The following MAP3K2 variants were observed in gnomAD, a reference collection of about 807,000 sequenced individuals.
MAP3K2 encodes mitogen-activated protein kinase kinase kinase 2.
A neutral mutation model predicts 80.3 loss-of-function variants in MAP3K2; 24 were observed. That is an observed-to-expected ratio of 0.30 (90% confidence interval 0.22 to 0.42). MAP3K2 has a LOEUF of 0.42. Among genes scored for constraint, MAP3K2 ranks in the 10% least tolerant of loss-of-function variants. The pLI is 1.00. For synonymous variants in MAP3K2, 244 were observed against 253.7 expected, an observed-to-expected ratio of 0.96 and a Z score of 0.36; for missense variants, 608 against 750.1, an observed-to-expected ratio of 0.81 and a Z score of 2.21.
intron 1 of MAP3K2, among the ~76,000 whole-genome samples, chr2:127,379,102 A>G (rs1687200599): frequency 6.7e-6 from 1 of 149,942 alleles, no homozygotes; most frequent in South Asian, 2.1e-4. Context: ...GATTACAGGC[A>G]TGAGCCATGG....
At chr2:127,349,666 T>C (rs990051642) in intron 1 of MAP3K2, among the ~76,000 whole-genome samples, 16 of 152,154 alleles carry the variant, frequency 1.1e-4, no homozygotes, top group African/African-American at 3.9e-4. Context: ...AAGCTAAGAC[T>C]TGAATACCTG....
At chr2:127,341,529 T>TG (rs1491181385) in intron 2 of MAP3K2, among the ~76,000 whole-genome samples, 8 of 111,102 alleles carry the variant, frequency 7.2e-5, no homozygotes, top group Non-Finnish European at 7.2e-5. Flanking sequence ...TTTTTTTTGT[T>TG]GTTTTTTTTT....
chr2:127,355,871 C>G (rs1011265980), intron 1 of MAP3K2, among the ~76,000 whole-genome samples: 13 of 152,138 alleles, frequency 8.5e-5, no homozygotes, highest in African/African-American at 3.1e-4. Context: ...TTGCTTATTG[C>G]TGCTTTACCA....
intron 5 of MAP3K2, among the ~76,000 whole-genome samples, chr2:127,335,221 T>G (rs1686342154): frequency 6.6e-6 from 1 of 152,204 alleles, no homozygotes; most frequent in South Asian, 2.1e-4. Flanking sequence ...AAATACTTTC[T>G]GAATATAAAA....
intron 1 of MAP3K2, among the ~76,000 whole-genome samples, chr2:127,361,384 A>G (rs2104873403): frequency 6.6e-6 from 1 of 152,224 alleles, no homozygotes; most frequent in East Asian, 1.9e-4. Flanking sequence ...GTAATAATAT[A>G]AAAGCAACAA....
At chr2:127,340,352 A>C (rs1279861710) in intron 2 of MAP3K2, among the ~76,000 whole-genome samples, 1 of 152,200 alleles carries the variant, frequency 6.6e-6, no homozygotes. Flanking sequence ...ATTTGATGTG[A>C]CCTTCTTTAA....
chr2:127,373,759 C>T (rs577054337), intron 1 of MAP3K2, among the ~76,000 whole-genome samples: 19 of 152,336 alleles, frequency 1.2e-4, no homozygotes, highest in Admixed American at 2.0e-4. Flanking sequence ...AAAACACTCT[C>T]TCTCTATGTC....
chr2:127,336,870 G>A (rs1404917451), intron 4 of MAP3K2, among the ~76,000 whole-genome samples: 1 of 152,178 alleles, frequency 6.6e-6, no homozygotes, highest in African/African-American at 2.4e-5. Flanking sequence ...GGCTGGGAGC[G>A]TGGGTCACGC....
chr2:127,337,743 T>C lies in MAP3K2; in HGVS notation c.159A>G (p.Glu53=). The change falls in exon 4 of 17, where the codon GAA becomes GAG. Residue 53 remains glutamate, a synonymous_variant. Transcript: ENST00000682094. ...DVRVKFEHRG[E]KRILQFPRPV... is the part of the protein sequence containing the mutation. ...TGTAATGTTTCCTTCCTTACCTTTT[T>C]TCTCCTCTATGTTCAAATTTGACTC... 1 of 1,518,884 alleles carries C rather than the reference T, an allele frequency of 6.6e-7. No individual in the cohort carries two copies. The highest frequency in any genetic ancestry group is 8.9e-7 in the Non-Finnish European group (1 of 1,118,628). 94.1% of individuals were successfully genotyped at this position (1,518,884 alleles called of 1,614,324 possible).
chr2:127,332,368 C>T (rs1273321118), intron 5 of MAP3K2, among the ~76,000 whole-genome samples: 1 of 152,184 alleles, frequency 6.6e-6, no homozygotes, highest in African/African-American at 2.4e-5. Flanking sequence ...CAAGATACTG[C>T]TACTTTTGGG....
intron 12 of MAP3K2, among the ~76,000 whole-genome samples, chr2:127,319,111 G>A (rs557422927): frequency 9.2e-5 from 14 of 152,036 alleles, no homozygotes; most frequent in East Asian, 5.8e-4. Context: ...TGTGGGAAAC[G>A]CAGAAAGTCC....
chr2:127,335,855 AC>A lies in MAP3K2; in HGVS notation c.264+14del, dbSNP rs775763731. The A allele has an allele frequency of 1.1e-5, 15 of 1,417,892 alleles. No individual in the cohort carries two copies. The Admixed American group carries it at 3.0e-4, about 29-fold the overall frequency. The allele number at this position is 1,417,892 out of a possible 1,614,324, so 87.8% of individuals were successfully genotyped here. Reference sequence around the variant, plus strand: ...TGAAGGTAAGATCTACTAAAGTTAAACTGTACATGTTTACCTCGTTATTGGT... The same window carrying A: ...TGAAGGTAAGATCTACTAAAGTTAAATGTACATGTTTACCTCGTTATTGGT... On this transcript the variant is annotated intron_variant, in intron 5 of 16. Coordinates refer to ENST00000682094, the MANE Select transcript of MAP3K2 (RefSeq NM_001371910.2).
At chr2:127,352,494 C>A (rs902657308) in intron 1 of MAP3K2, among the ~76,000 whole-genome samples, 35 of 152,150 alleles carry the variant, frequency 2.3e-4, no homozygotes, top group Non-Finnish European at 3.8e-4. Flanking sequence ...CACTACTACT[C>A]TTTTCATTCT....
intron 8 of MAP3K2, among the ~76,000 whole-genome samples, chr2:127,326,475 G>A (rs971857737): frequency 6.6e-6 from 1 of 151,560 alleles, no homozygotes; most frequent in Admixed American, 6.6e-5. Flanking sequence ...TTCACTTATT[G>A]AGCAATATAA....
intron 1 of MAP3K2, among the ~76,000 whole-genome samples, chr2:127,371,727 G>A (rs565620056): frequency 6.6e-6 from 1 of 152,228 alleles, no homozygotes; most frequent in East Asian, 1.9e-4. Context: ...AACCCAAATT[G>A]TTTTCTATGT....
intron 9 of MAP3K2, 91 bp from the exon 10 acceptor site, chr2:127,324,332 C>T: frequency 1.4e-6 from 1 of 724,152 alleles, no homozygotes; most frequent in Non-Finnish European, 2.3e-6. Context: ...CTATCTGTGC[C>T]TCTCTGTATG....
At chr2:127,317,199 C>T (rs978690983) in intron 14 of MAP3K2, among the ~76,000 whole-genome samples, 15 of 152,100 alleles carry the variant, frequency 9.9e-5, no homozygotes, top group African/African-American at 3.6e-4. Context: ...AGAAGAATCA[C>T]TTGGGCTCAG....
At chr2:127,332,314 T>A (rs1387741786) in intron 5 of MAP3K2, among the ~76,000 whole-genome samples, 2 of 152,252 alleles carry the variant, frequency 1.3e-5, no homozygotes, top group African/African-American at 4.8e-5. Context: ...AAAATCTGAA[T>A]ACTTACTTTT....
rs114301445 is a variant in MAP3K2, at chr2:127,338,786, C to T, written c.123+146G>A. 102 of 605,498 alleles carry T rather than the reference C, an allele frequency of 1.7e-4. No homozygotes were observed. The African/African-American group carries it at 1.9e-3, about 11-fold the overall frequency. 37.5% of individuals were successfully genotyped at this position (605,498 alleles called of 1,614,324 possible). ...CTTTGCTACTGTTAATAGATGAACACACACTCTTACACGAAAATGTGTAAC... is the reference window on the plus strand; with the variant it reads ...CTTTGCTACTGTTAATAGATGAACATACACTCTTACACGAAAATGTGTAAC... On this transcript the variant is annotated intron_variant, in intron 3 of 16. Coordinates refer to ENST00000682094, the MANE Select transcript of MAP3K2 (RefSeq NM_001371910.2).
Sources: allele counts gnomAD v4.1 joint callset (sites outside exome capture counted in the v4.1 genomes callset), GRCh38; gene constraint gnomAD v4.1.1; transcripts MANE v1.5; gene names NCBI Gene and HGNC (gene_info 2026-07-23, HGNC 2026-07-21).